The following ADAMTSL1 variants were observed in gnomAD, a reference collection of about 807,000 sequenced individuals.
The protein encoded by ADAMTSL1 is ADAMTS-like protein 1.
In ADAMTSL1, 126 loss-of-function variants were observed where a neutral mutation model predicts 201.8. The ratio of observed to expected loss-of-function variants is 0.62; its 90% CI spans 0.54 to 0.72. The LOEUF (loss-of-function observed/expected upper bound fraction) is 0.72. ADAMTSL1 is among the 30% of genes least tolerant of loss of function. The pLI is 0.00. For synonymous variants in ADAMTSL1, 1,121 were observed against 903.4 expected, an observed-to-expected ratio of 1.24 and a Z score of -4.32; for missense variants, 2,679 against 2,277.8, an observed-to-expected ratio of 1.18 and a Z score of -3.59.
intron 2 of ADAMTSL1, among the ~76,000 whole-genome samples, chr9:18,363,724 G>C (rs1399371870): frequency 6.6e-6 from 1 of 152,108 alleles, no homozygotes; most frequent in Non-Finnish European, 1.5e-5. Context: ...CTTGAGGAAG[G>C]GGAAAATCAG....
chr9:18,708,908 C>T (rs905869883), intron 14 of ADAMTSL1, among the ~76,000 whole-genome samples: 3 of 151,988 alleles, frequency 2.0e-5, no homozygotes, highest in African/African-American at 7.3e-5. Context: ...TTTGAAGTGT[C>T]GAGTGTATGT....
chr9:18,260,860 A>G (rs570323734), intron 2 of ADAMTSL1, among the ~76,000 whole-genome samples: 1 of 151,964 alleles, frequency 6.6e-6, no homozygotes, highest in Admixed American at 6.6e-5. Context: ...CGTCTCCTGA[A>G]GTCATTAGTT....
At chr9:18,663,513 A>G (rs947435476) in intron 9 of ADAMTSL1, among the ~76,000 whole-genome samples, 1 of 152,158 alleles carries the variant, frequency 6.6e-6, no homozygotes, top group African/African-American at 2.4e-5. Flanking sequence ...ATTTCATTTT[A>G]AAATTATTCT....
At chr9:18,645,846 G>T (rs1827775758) in intron 7 of ADAMTSL1, among the ~76,000 whole-genome samples, 2 of 124,702 alleles carry the variant, frequency 1.6e-5, no homozygotes, top group South Asian at 2.9e-4. Context: ...TTGTTCTTTT[G>T]GCTTAGGATT....
At chr9:18,450,836 T>C (rs747687920) in intron 2 of ADAMTSL1, among the ~76,000 whole-genome samples, 11 of 152,192 alleles carry the variant, frequency 7.2e-5, no homozygotes, top group Non-Finnish European at 1.0e-4. Context: ...ACAGTATATC[T>C]GGATTCAGAA....
intron 19 of ADAMTSL1, among the ~76,000 whole-genome samples, chr9:18,785,123 C>T (rs1366144794): frequency 1.3e-5 from 2 of 151,688 alleles, no homozygotes; most frequent in African/African-American, 2.4e-5. Flanking sequence ...GGTATCGTGC[C>T]ACTGCATTCT....
intron 3 of ADAMTSL1, among the ~76,000 whole-genome samples, chr9:18,554,687 G>A (rs1018942494): frequency 6.9e-6 from 1 of 145,884 alleles, no homozygotes; most frequent in African/African-American, 2.5e-5. Context: ...TTTTTATTTT[G>A]CTTGTTTGTT....
intron 2 of ADAMTSL1, among the ~76,000 whole-genome samples, chr9:18,462,216 A>G (rs1401389275): frequency 1.3e-5 from 2 of 152,220 alleles, no homozygotes; most frequent in African/African-American, 4.8e-5. Context: ...AAAGTGTTAA[A>G]ATAGTGAAAT....
At chr9:18,882,952 A>G (rs533067329) in intron 23 of ADAMTSL1, among the ~76,000 whole-genome samples, 1 of 149,990 alleles carries the variant, frequency 6.7e-6, no homozygotes, top group East Asian at 2.0e-4. Flanking sequence ...TGATTGCACC[A>G]TTACACTCCA....
intron 23 of ADAMTSL1, among the ~76,000 whole-genome samples, chr9:18,852,792 G>C (rs2131376582): frequency 6.6e-6 from 1 of 152,322 alleles, no homozygotes; most frequent in Non-Finnish European, 1.5e-5. Context: ...CCTCAGGACT[G>C]ATTTGAGAAT....
intron 2 of ADAMTSL1, among the ~76,000 whole-genome samples, chr9:18,381,392 A>G (rs183236482): frequency 3.3e-5 from 5 of 152,246 alleles, no homozygotes; most frequent in Admixed American, 3.3e-4. Flanking sequence ...TAGTTTTTTG[A>G]GAAACTTTTG....
At chr9:18,905,286 T>C (rs986177042) in intron 26 of ADAMTSL1, among the ~76,000 whole-genome samples, 1 of 152,204 alleles carries the variant, frequency 6.6e-6, no homozygotes, top group African/African-American at 2.4e-5. Context: ...GGACTCTGCA[T>C]ACCTAAGTCT....
intron 15 of ADAMTSL1, among the ~76,000 whole-genome samples, chr9:18,736,358 T>C (rs972867372): frequency 1.3e-5 from 2 of 152,196 alleles, no homozygotes; most frequent in Admixed American, 6.5e-5. Flanking sequence ...TTTTCTGTGT[T>C]ACCTGCTAGG....
At chr9:18,616,624 C>T (rs906240234) in intron 4 of ADAMTSL1, among the ~76,000 whole-genome samples, 2 of 152,066 alleles carry the variant, frequency 1.3e-5, no homozygotes, top group African/African-American at 2.4e-5. Flanking sequence ...ACTCTTACAA[C>T]TGCTTATGTG....
chr9:18,754,633 T>C (rs1274306776), intron 16 of ADAMTSL1, among the ~76,000 whole-genome samples: 3 of 152,248 alleles, frequency 2.0e-5, no homozygotes, highest in Admixed American at 6.5e-5. Context: ...CCACGTGTCC[T>C]CTGTGCTTTC....
intron 13 of ADAMTSL1, among the ~76,000 whole-genome samples, chr9:18,687,766 A>C (rs909787895): frequency 6.6e-6 from 1 of 152,230 alleles, no homozygotes; most frequent in African/African-American, 2.4e-5. Context: ...CCGCTTTAAG[A>C]TGTTTAGAAG....
intron 1 of ADAMTSL1, among the ~76,000 whole-genome samples, chr9:17,949,923 A>T (rs1323014712): frequency 6.6e-6 from 1 of 152,054 alleles, no homozygotes; most frequent in Non-Finnish European, 1.5e-5. Flanking sequence ...CTGTTACCGT[A>T]GTGCTTTTTT....
intron 20 of ADAMTSL1, among the ~76,000 whole-genome samples, chr9:18,811,318 G>A (rs1179564972): frequency 2.0e-5 from 3 of 152,194 alleles, no homozygotes; most frequent in African/African-American, 4.8e-5. Flanking sequence ...ACCACATGGG[G>A]AGCCTGGAGT....
chr9:18,362,146 G>A lies in ADAMTSL1; in HGVS notation c.208-142683G>A, dbSNP rs566804364. On this transcript the variant is annotated intron_variant, in intron 2 of 29. Coordinates refer to the ADAMTSL1 transcript ENST00000680146. ...AGAAGATGACAGTTCTGACACCAGT[G>A]GGCACATAGATTCTCTCCCAGCTAA... 2.6e-5 allele frequency: 4 copies of A among 152,256 alleles called. No homozygotes were observed. In the South Asian group the frequency reaches 8.3e-4, roughly 32 times the overall value. 9.4% of individuals were successfully genotyped at this position (152,256 alleles called of 1,614,324 possible).
Sources: allele counts gnomAD v4.1 joint callset (sites outside exome capture counted in the v4.1 genomes callset), GRCh38; gene constraint gnomAD v4.1.1; transcripts MANE v1.5; gene names NCBI Gene and HGNC (gene_info 2026-07-23, HGNC 2026-07-21).